Variants in TMTC2 observed in about 807,000 individuals in gnomAD.
The protein encoded by TMTC2 is protein O-mannosyl-transferase TMTC2.
TMTC2 carries 43 observed loss-of-function variants against 82.4 expected under a neutral mutation model. That is an observed-to-expected ratio of 0.52 (90% confidence interval 0.41 to 0.67). TMTC2 has a LOEUF of 0.67. Ranked by LOEUF, TMTC2 falls within the 30% of genes least tolerant of loss-of-function variation. The probability of loss-of-function intolerance (pLI) is 0.00; values close to 1 mark genes in which losing one functional copy is unlikely to be tolerated. For synonymous variants in TMTC2, 408 were observed against 381.9 expected (o/e 1.07, Z -0.80); for missense variants, 919 against 1,012.4 (o/e 0.91, Z 1.25).
chr12:82,964,038 GTCTTC>G (rs1878076053), intron 4 of TMTC2, among the ~76,000 whole-genome samples: 1 of 151,214 alleles, frequency 6.6e-6, no homozygotes, highest in Non-Finnish European at 1.5e-5. Context: ...TTTATTAGTA[GTCTTC>G]TCTTTTCTCT....
At chr12:83,120,367 C>A (rs1884909566) in intron 11 of TMTC2, among the ~76,000 whole-genome samples, 2 of 152,140 alleles carry the variant, frequency 1.3e-5, no homozygotes, top group Admixed American at 1.3e-4. Context: ...ATTCTCTCAG[C>A]ATTTGTTTGT....
chr12:83,071,682 G>C (rs1266930775), intron 11 of TMTC2, among the ~76,000 whole-genome samples: 1 of 152,106 alleles, frequency 6.6e-6, no homozygotes, highest in African/African-American at 2.4e-5. Context: ...TAATCTCGCT[G>C]CTTGTTATTG....
intron 11 of TMTC2, among the ~76,000 whole-genome samples, chr12:83,104,253 G>A (rs559275223): frequency 6.6e-6 from 1 of 152,304 alleles, no homozygotes; most frequent in East Asian, 1.9e-4. Context: ...GGGGTCTAGA[G>A]GGCAATGATC....
intron 1 of TMTC2, among the ~76,000 whole-genome samples, chr12:82,703,479 G>C (rs1007463919): frequency 6.6e-6 from 1 of 151,218 alleles, no homozygotes; most frequent in African/African-American, 2.4e-5. Context: ...CACTGTAATG[G>C]AAGATAGATA....
intron 11 of TMTC2, among the ~76,000 whole-genome samples, chr12:83,075,039 C>T (rs983167786): frequency 7.9e-5 from 12 of 152,186 alleles, no homozygotes; most frequent in Non-Finnish European, 2.9e-5. Context: ...CGAGCGAGCT[C>T]CCAGGGCCTT....
At chr12:83,019,704 C>T (rs1290924875) in intron 8 of TMTC2, among the ~76,000 whole-genome samples, 2 of 152,318 alleles carry the variant, frequency 1.3e-5, no homozygotes, top group African/African-American at 4.8e-5. Context: ...TATCTCTGTT[C>T]TATCCACATT....
chr12:83,010,014 C>T (rs897958656), intron 8 of TMTC2, among the ~76,000 whole-genome samples: 4 of 152,116 alleles, frequency 2.6e-5, no homozygotes, highest in African/African-American at 9.7e-5. Flanking sequence ...TGGGGAGCAG[C>T]TGTAAATACG....
At chr12:82,932,996 C>G (rs1057352195) in intron 4 of TMTC2, among the ~76,000 whole-genome samples, 23 of 152,230 alleles carry the variant, frequency 1.5e-4, no homozygotes, top group African/African-American at 4.3e-4. Context: ...AGGAATTGAC[C>G]TTCCCAATTC....
At chr12:83,120,399 C>T (rs76691782) in intron 11 of TMTC2, among the ~76,000 whole-genome samples, 5,479 of 152,236 alleles carry the variant, frequency 0.036, 164 homozygotes, top group Non-Finnish European at 0.053. Flanking sequence ...TGTATCTTTC[C>T]TTCATAGACG....
intron 11 of TMTC2, among the ~76,000 whole-genome samples, chr12:83,085,863 A>T (rs1441007714): frequency 6.6e-5 from 10 of 152,216 alleles, no homozygotes; most frequent in Admixed American, 6.5e-4. Context: ...CAATAGTGGT[A>T]TAGTTCTATT....
chr12:82,834,636 C>T (rs1869930805), intron 1 of TMTC2, among the ~76,000 whole-genome samples: 1 of 152,176 alleles, frequency 6.6e-6, no homozygotes, highest in African/African-American at 2.4e-5. Context: ...GAGCCTCTCT[C>T]CTTCAGTAAT....
intron 11 of TMTC2, among the ~76,000 whole-genome samples, chr12:83,122,300 C>T (rs1402008606): frequency 1.3e-5 from 2 of 151,262 alleles, no homozygotes; most frequent in African/African-American, 4.9e-5. Context: ...GTGGAGTCTG[C>T]ACACTAGATT....
At chr12:82,752,531 C>T (rs2136967981) in intron 1 of TMTC2, among the ~76,000 whole-genome samples, 1 of 151,928 alleles carries the variant, frequency 6.6e-6, no homozygotes, top group Non-Finnish European at 1.5e-5. Flanking sequence ...CTGGAGTTAC[C>T]CTGAGTGACG....
intron 1 of TMTC2, among the ~76,000 whole-genome samples, chr12:82,766,825 T>G (rs1876988934): frequency 6.6e-6 from 1 of 152,100 alleles, no homozygotes; most frequent in Non-Finnish European, 1.5e-5. Flanking sequence ...GGAGTCTCGC[T>G]CTGTCACCCA....
chr12:82,985,888 T>C, intron 7 of TMTC2, 37 bp from the exon 8 acceptor site: 1 of 1,600,956 alleles, frequency 6.2e-7, no homozygotes, highest in Non-Finnish European at 8.5e-7. Context: ...AAAAGCTGTA[T>C]CCTCCCTTTG....
rs1485233783 is a variant in TMTC2 at position 82,870,279 on chromosome 12, C to A, written c.654+12699C>A. Among the ~76,000 whole-genome samples the A allele has an allele frequency of 2.6e-5, 4 of 152,172 alleles. No homozygotes were observed. In the East Asian group the frequency reaches 7.7e-4, roughly 29 times the overall value. ...GCTTCAGATAGGGTCTCCTTATTTGCATTTTGTCATCCTAGTGCTCCAGCT... is the reference window on the plus strand; with the variant it reads ...GCTTCAGATAGGGTCTCCTTATTTGAATTTTGTCATCCTAGTGCTCCAGCT... On this transcript the variant is annotated intron_variant, in intron 2 of 11. Coordinates refer to ENST00000321196, the MANE Select transcript of TMTC2 (RefSeq NM_152588.3).
intron 7 of TMTC2, among the ~76,000 whole-genome samples, chr12:82,982,744 A>G (rs1398909748): frequency 6.6e-6 from 1 of 151,996 alleles, no homozygotes; most frequent in Non-Finnish European, 1.5e-5. Context: ...TGAGAAACAG[A>G]GAGCATAATT....
rs193065359 is a variant in TMTC2, at chr12:83,006,453, C to T, written c.2070+20407C>T. ...TCTTTCATTTCTGATTTTTGTTATT[C>T]GAATCTTCTTTCTTTTTTCTTAGTC... On this transcript the variant is annotated intron_variant, in intron 8 of 11. Coordinates refer to ENST00000321196, the MANE Select transcript of TMTC2 (RefSeq NM_152588.3). Among the ~76,000 whole-genome samples, 21 of 151,968 alleles carry T rather than the reference C, an allele frequency of 1.4e-4. No homozygotes were observed. In the East Asian group the frequency reaches 2.9e-3, roughly 21 times the overall value.
At chr12:82,932,037 C>T (rs928386603) in intron 4 of TMTC2, among the ~76,000 whole-genome samples, 5 of 152,046 alleles carry the variant, frequency 3.3e-5, no homozygotes, top group African/African-American at 9.7e-5. Context: ...TTAATGAATG[C>T]TGTGTGATAC....
Sources: gnomAD v4.1 joint callset for allele counts (sites outside exome capture counted in the v4.1 genomes callset) on GRCh38, gnomAD v4.1.1 for gene constraint, MANE v1.5 for transcripts, NCBI Gene and HGNC (gene_info 2026-07-23, HGNC 2026-07-21) for gene names.